ZNF723: variants seen among roughly 807,000 people sequenced by gnomAD.
The protein encoded by ZNF723 is zinc finger protein 723.
ZNF723 carries 5 observed loss-of-function variants against 9.4 expected under a neutral mutation model. The observed-to-expected ratio is 0.53, with a 90% CI of 0.28 to 1.12. ZNF723 has a LOEUF of 1.12. Among genes scored for constraint, ZNF723 ranks in the 50% most tolerant of loss-of-function variants. The pLI, the probability that ZNF723 is intolerant of heterozygous loss-of-function variation, is 0.10. For synonymous variants in ZNF723, 158 were observed against 168.8 expected (o/e 0.94, Z 0.49); for missense variants, 450 against 501.5 (o/e 0.90, Z 0.98).
At chr19:22,816,428 G>A in the ZNF723 span, among the ~76,000 whole-genome samples, 4 of 152,204 alleles carry the variant, frequency 2.6e-5, no homozygotes, top group Admixed American at 1.3e-4. Context: ...ACTGTCTGCA[G>A]GAGGGATTAA....
the ZNF723 span, among the ~76,000 whole-genome samples, chr19:22,816,374 C>G: frequency 6.6e-6 from 1 of 152,144 alleles, no homozygotes; most frequent in Non-Finnish European, 1.5e-5. Flanking sequence ...ACTCTCAGAC[C>G]AAGATCCAGC....
chr19:22,837,579 C>T (rs1967182808), intron 1 of ZNF723, among the ~76,000 whole-genome samples: 1 of 152,140 alleles, frequency 6.6e-6, no homozygotes, highest in South Asian at 2.1e-4. Flanking sequence ...CTTTCCTGTA[C>T]ACAGGCCGTC....
the ZNF723 span, among the ~76,000 whole-genome samples, chr19:22,823,604 C>A: frequency 6.6e-6 from 1 of 152,204 alleles, no homozygotes; most frequent in Non-Finnish European, 1.5e-5. Flanking sequence ...TATCTCATCC[C>A]TGAATCTTTC....
chr19:22,846,175 T>C (rs886131630), intron 1 of ZNF723, among the ~76,000 whole-genome samples: 9 of 152,110 alleles, frequency 5.9e-5, no homozygotes, highest in African/African-American at 2.2e-4. Context: ...AATGTTTCCT[T>C]TGTGGCTGTT....
rs1967500049 is a variant in ZNF723 at position 22,857,648 on chromosome 19, G to C, written c.757G>C (p.Gly253Arg). 11 of 1,268,292 alleles carry C rather than the reference G, an allele frequency of 8.7e-6. No individual in the cohort carries two copies. Among genetic ancestry groups the C allele is most frequent in the Non-Finnish European group, 1.2e-5 (10 of 866,570 alleles). 78.6% of individuals were successfully genotyped at this position (1,268,292 alleles called of 1,614,324 possible). A position where few individuals can be genotyped will look rare whatever the true frequency, so the allele number is the denominator to read the frequency against. ...TAATAATCATAAGAGAATTCATACT[G>C]GAGAGAAACCCTACAAATGTGAAGA... is the stretch of plus-strand genomic sequence containing the variant. ...SLNNHKRIHT[G>R]EKPYKCEECG... Residue 253 changes from glycine to arginine, a missense_variant, in exon 4 of 4, where the codon GGA becomes CGA. This residue lies in a region of ZNF723 where 237 missense variants were observed against 332.2 expected (regional missense o/e 0.71). Transcript: ENST00000600766.
intron 1 of ZNF723, among the ~76,000 whole-genome samples, chr19:22,840,029 C>T (rs964570440): frequency 1.6e-4 from 25 of 152,058 alleles, no homozygotes; most frequent in African/African-American, 5.8e-4. Context: ...TGTTTGTCAG[C>T]AGCATAGTTT....
At chr19:22,847,873 G>T (rs1967335850) in intron 1 of ZNF723, among the ~76,000 whole-genome samples, 1 of 151,956 alleles carries the variant, frequency 6.6e-6, no homozygotes, top group African/African-American at 2.4e-5. Flanking sequence ...GGCCAAGGCG[G>T]ATGCATCATC....
the ZNF723 span, among the ~76,000 whole-genome samples, chr19:22,823,910 A>G: frequency 6.6e-6 from 1 of 152,158 alleles, no homozygotes; most frequent in Non-Finnish European, 1.5e-5. Context: ...AGTTCTCCCC[A>G]CATAAGACAC....
At chr19:22,816,071 TG>T in the ZNF723 span, among the ~76,000 whole-genome samples, 1 of 152,252 alleles carries the variant, frequency 6.6e-6, no homozygotes, top group South Asian at 2.1e-4. Context: ...CTCTCATTAC[TG>T]GGCTTGGGGC....
chr19:22,828,173 A>T (rs562972958), upstream of ZNF723, among the ~76,000 whole-genome samples: 6 of 152,336 alleles, frequency 3.9e-5, no homozygotes, highest in South Asian at 1.2e-3. Flanking sequence ...CTAGAATGTT[A>T]AATAGTCTCT....
chr19:22,851,685 A>G (rs1967397536), intron 3 of ZNF723, among the ~76,000 whole-genome samples: 1 of 152,108 alleles, frequency 6.6e-6, no homozygotes, highest in Non-Finnish European at 1.5e-5. Context: ...CATTTGTTAT[A>G]GGACTGTGTT....
At chr19:22,825,654 C>G in the ZNF723 span, among the ~76,000 whole-genome samples, 1 of 152,172 alleles carries the variant, frequency 6.6e-6, no homozygotes, top group Non-Finnish European at 1.5e-5. Flanking sequence ...TCACTGAGCC[C>G]AACACCTAGG....
At chr19:22,813,680 G>A in the ZNF723 span, among the ~76,000 whole-genome samples, 3 of 151,908 alleles carry the variant, frequency 2.0e-5, no homozygotes, top group Non-Finnish European at 2.9e-5. Flanking sequence ...GGTGGGTGTT[G>A]CAGTGAGCCA....
chr19:22,814,957 C>A, the ZNF723 span, among the ~76,000 whole-genome samples: 2 of 152,020 alleles, frequency 1.3e-5, no homozygotes, highest in Non-Finnish European at 2.9e-5. Context: ...GGGCCTATCA[C>A]CTAGGTGATA....
At chr19:22,846,484 A>G (rs966165179) in intron 1 of ZNF723, among the ~76,000 whole-genome samples, 4 of 152,088 alleles carry the variant, frequency 2.6e-5, no homozygotes, top group African/African-American at 9.7e-5. Flanking sequence ...TTAGCCAGGC[A>G]TGGTGGCGCA....
intron 1 of ZNF723, among the ~76,000 whole-genome samples, chr19:22,846,320 T>C (rs978892090): frequency 6.6e-6 from 1 of 152,088 alleles, no homozygotes; most frequent in Non-Finnish European, 1.5e-5. Flanking sequence ...ATTAAGGAAA[T>C]GCTTACTTAA....
chr19:22,828,953 A>G (rs150846905), upstream of ZNF723, among the ~76,000 whole-genome samples: 6 of 152,214 alleles, frequency 3.9e-5, no homozygotes, highest in Admixed American at 3.9e-4. Flanking sequence ...TGGGTGGATC[A>G]CTTGAGGTCA....
At chr19:22,813,865 G>T in the ZNF723 span, among the ~76,000 whole-genome samples, 1 of 151,036 alleles carries the variant, frequency 6.6e-6, no homozygotes, top group Non-Finnish European at 1.5e-5. Context: ...ATGCTGGAGT[G>T]CAGTGGCTTG....
At chr19:22,825,356 A>C in the ZNF723 span, among the ~76,000 whole-genome samples, 1 of 152,222 alleles carries the variant, frequency 6.6e-6, no homozygotes, top group African/African-American at 2.4e-5. Context: ...GACTCTCATA[A>C]CTAAAGCTGA....
Sources: allele counts gnomAD v4.1 joint callset (sites outside exome capture counted in the v4.1 genomes callset), GRCh38; gene constraint gnomAD v4.1.1; regional missense constraint gnomAD v4.1.1; transcripts MANE v1.5; gene names NCBI Gene and HGNC (gene_info 2026-07-23, HGNC 2026-07-21).